TXNDC16: variants seen among roughly 807,000 people sequenced by gnomAD.
The protein encoded by TXNDC16 is thioredoxin domain-containing protein 16.
Under a neutral mutation model 85.6 loss-of-function variants are expected in TXNDC16, and 74 were observed. That is an observed-to-expected ratio of 0.86 (90% CI 0.72 to 1.05). TXNDC16 has a LOEUF of 1.05. Ranked by LOEUF, TXNDC16 falls within the 50% of genes least tolerant of loss-of-function variation. TXNDC16 has a pLI of 0.00. For missense variants in TXNDC16, 959 were observed against 947.0 expected, an observed-to-expected ratio of 1.01 and a Z score of -0.17; for synonymous variants, 335 against 326.5, an observed-to-expected ratio of 1.03 and a Z score of -0.28.
chr14:52,550,359 C>T (rs2038019949), intron 1 of TXNDC16, among the ~76,000 whole-genome samples: 1 of 152,214 alleles, frequency 6.6e-6, no homozygotes, highest in Admixed American at 6.5e-5. Flanking sequence ...GAACCAGCCT[C>T]AAATAAAATG....
At chr14:52,474,342 A>G (rs1200382761) in intron 14 of TXNDC16, among the ~76,000 whole-genome samples, 1 of 152,230 alleles carries the variant, frequency 6.6e-6, no homozygotes, top group Non-Finnish European at 1.5e-5. Context: ...TTATTTGCCA[A>G]TAAGGCTAGA....
rs2035895507 is a variant in TXNDC16, at chr14:52,471,064, A to G, written c.1313-384T>C. On this transcript the variant is annotated intron_variant, in intron 14 of 20. Coordinates refer to ENST00000281741, the MANE Select transcript of TXNDC16 (RefSeq NM_020784.3). ...AGTTCCAGACCCATATATCCTTACTACCTTCTCTGTTTTCCTTTGAACGGA... is the reference window on the plus strand; with the variant it reads ...AGTTCCAGACCCATATATCCTTACTGCCTTCTCTGTTTTCCTTTGAACGGA... 1.4e-4 allele frequency among the ~76,000 whole-genome samples: 21 copies of G among 152,230 alleles called. No individual in the cohort carries two copies. The South Asian group carries it at 4.4e-3, about 32-fold the overall frequency.
At chr14:52,454,437 A>C (rs931487172) in intron 18 of TXNDC16, among the ~76,000 whole-genome samples, 7 of 151,684 alleles carry the variant, frequency 4.6e-5, no homozygotes, top group Non-Finnish European at 8.8e-5. Flanking sequence ...AAAAAAAAAA[A>C]AAAACAAAAG....
At position 52,536,750 on chromosome 14, in the gene TXNDC16, C is replaced by T; in HGVS notation, c.361G>A (p.Asp121Asn). Residue 121 changes from aspartate (D) to asparagine (N), a missense_variant, in exon 6 of 21, where the codon GAT (aspartate) becomes AAT (asparagine). Transcript: ENST00000281741. Reference sequence around the variant, plus strand: ...ACATGGGCGACAATGGCATTCACATCAAACAAGGTGTCAGTAGGGAATTCT... The same window carrying T: ...ACATGGGCGACAATGGCATTCACATTAAACAAGGTGTCAGTAGGGAATTCT... ...LREFPTDTLF[D>N]VNAIVAHVLF... is the part of the protein sequence containing the mutation. 6.2e-7 allele frequency: 1 copy of T among 1,611,934 alleles called. No homozygotes were observed. Among genetic ancestry groups the T allele is most frequent in the Non-Finnish European group, 8.5e-7 (1 of 1,178,752 alleles).
At chr14:52,504,267 G>T (rs2036735633) in intron 9 of TXNDC16, among the ~76,000 whole-genome samples, 1 of 152,150 alleles carries the variant, frequency 6.6e-6, no homozygotes, top group African/African-American at 2.4e-5. Context: ...ACACATAATT[G>T]TCAGATTCAC....
intron 9 of TXNDC16, among the ~76,000 whole-genome samples, chr14:52,503,017 G>C (rs952293105): frequency 7.2e-5 from 11 of 152,212 alleles, no homozygotes; most frequent in African/African-American, 1.2e-4. Flanking sequence ...CAAGGTGGCA[G>C]CGAGGCTTGA....
rs367840965 is a variant in TXNDC16 at position 52,522,026 on chromosome 14, G to C, written c.393-2733C>G. 2.4e-4 allele frequency among the ~76,000 whole-genome samples: 36 copies of C among 152,320 alleles called. 1 individual carries two copies. Among genetic ancestry groups the C allele is most frequent in the African/African-American group, 8.2e-4 (34 of 41,566 alleles). ...AATGGCAATGGAGTCTCAGTGGCAA[G>C]CTGAGCTATTGGCTGCCTATACATT... is the stretch of plus-strand genomic sequence containing the variant. On this transcript the variant is annotated intron_variant, in intron 6 of 20. Transcript: ENST00000281741.
At chr14:52,495,695 T>G (rs2036515902) in intron 9 of TXNDC16, among the ~76,000 whole-genome samples, 1 of 152,214 alleles carries the variant, frequency 6.6e-6, no homozygotes, top group South Asian at 2.1e-4. Flanking sequence ...ATCACTTCCA[T>G]GTGTAAAATA....
Position 52,488,465 on chromosome 14 carries a change from C to A in TXNDC16, c.1006G>T (p.Val336Leu), listed in dbSNP as rs1301053802. The A allele has an allele frequency of 6.2e-7, 1 of 1,600,326 alleles. No individual in the cohort carries two copies. Among genetic ancestry groups the A allele is most frequent in the East Asian group, 2.2e-5 (1 of 44,726 alleles). ...AEEGVPVEFLVLHDVDLIISH... is the reference protein window; with the variant it reads ...AEEGVPVEFLLLHDVDLIISH... Reference sequence around the variant, plus strand: ...ATTATTAAATCAACATCATGTAATACCAAAAATTCCACTGGAACTCCCTAG... The same window carrying A: ...ATTATTAAATCAACATCATGTAATAACAAAAATTCCACTGGAACTCCCTAG... The change falls in exon 12 of 21, where the codon GTA becomes TTA. Residue 336 changes from valine (V) to leucine (L), a missense_variant. By Grantham distance (32) the Val-to-Leu change is conservative (BLOSUM62 1). Coordinates refer to ENST00000281741, the MANE Select transcript of TXNDC16 (RefSeq NM_020784.3).
chr14:52,549,874 T>C (rs958810811), intron 1 of TXNDC16, among the ~76,000 whole-genome samples: 2 of 152,174 alleles, frequency 1.3e-5, no homozygotes, highest in Non-Finnish European at 2.9e-5. Flanking sequence ...CCTGACCTCG[T>C]GATCTGCCCA....
chr14:52,464,702 T>A (rs1194339557), intron 16 of TXNDC16, among the ~76,000 whole-genome samples: 1 of 152,042 alleles, frequency 6.6e-6, no homozygotes, highest in African/African-American at 2.4e-5. Flanking sequence ...GAGGCTCAGG[T>A]GGGCAGATCA....
At position 52,432,137 on chromosome 14, in the gene TXNDC16, T is replaced by G; in HGVS notation, c.*167A>C. 9.0e-6 allele frequency: 5 copies of G among 552,566 alleles called. No homozygotes were observed. Among genetic ancestry groups the G allele is most frequent in the Non-Finnish European group, 1.1e-5 (4 of 350,204 alleles). The allele number at this position is 552,566 out of a possible 1,614,324, so 34.2% of individuals were successfully genotyped here. On this transcript the variant is annotated 3_prime_UTR_variant, in exon 21 of 21. Transcript: ENST00000281741. ...TTATTTTGCCCTGCTCACTTTTACT[T>G]TGTTTAATGTAGTTACTAGAAAATT...
chr14:52,438,598 T>C (rs1242806130), intron 20 of TXNDC16, among the ~76,000 whole-genome samples: 2 of 152,222 alleles, frequency 1.3e-5, no homozygotes, highest in Admixed American at 1.3e-4. Context: ...CTTTTATATA[T>C]ACTTAGAAAC....
At chr14:52,486,269 T>A (rs954110225) in intron 12 of TXNDC16, among the ~76,000 whole-genome samples, 3 of 149,348 alleles carry the variant, frequency 2.0e-5, no homozygotes. Flanking sequence ...CTATTTTCAG[T>A]CACACATGCT....
Position 52,492,729 on chromosome 14 carries a change from G to A in TXNDC16, c.757-1724C>T, listed in dbSNP as rs191351397. Reference sequence around the variant, plus strand: ...GAAATCCCATGGGATGGTCTGTGCAGATCAGACACTTACCAGTCAGGGGGC... The same window carrying A: ...GAAATCCCATGGGATGGTCTGTGCAAATCAGACACTTACCAGTCAGGGGGC... On this transcript the variant is annotated intron_variant, in intron 9 of 20. Coordinates refer to ENST00000281741, the MANE Select transcript of TXNDC16 (RefSeq NM_020784.3). Among the ~76,000 whole-genome samples, 40 of 152,268 alleles carry A rather than the reference G, an allele frequency of 2.6e-4. No homozygotes were observed. The East Asian group carries it at 7.4e-3, about 28-fold the overall frequency.
chr14:52,539,647 G>A (rs1055869380), intron 4 of TXNDC16, among the ~76,000 whole-genome samples: 9 of 152,168 alleles, frequency 5.9e-5, no homozygotes, highest in African/African-American at 2.2e-4. Context: ...CCAATGAGAA[G>A]AGATGGCAGG....
intron 19 of TXNDC16, 141 bp from the exon 20 acceptor site, chr14:52,439,535 A>G: frequency 1.4e-6 from 1 of 714,690 alleles, no homozygotes; most frequent in Non-Finnish European, 2.2e-6. Flanking sequence ...AAAACCAAGA[A>G]GTCTACGACA....
chr14:52,463,194 TA>T (rs34848366), intron 16 of TXNDC16, among the ~76,000 whole-genome samples: 14,917 of 141,678 alleles, frequency 0.11, 794 homozygotes, highest in East Asian at 0.18. Context: ...CCAGTTCAGA[TA>T]AAAAAAAAAA....
rs141913301 is a variant in TXNDC16 at position 52,479,098 on chromosome 14, C to T, written c.1312+3132G>A. On this transcript the variant is annotated intron_variant, in intron 14 of 20. Coordinates refer to ENST00000281741, the MANE Select transcript of TXNDC16 (RefSeq NM_020784.3). ...TCTCAATAGATGCAGAAAAAGCATTCGATAAAATCCAGCATTCCTTTATGA... is the reference window on the plus strand; with the variant it reads ...TCTCAATAGATGCAGAAAAAGCATTTGATAAAATCCAGCATTCCTTTATGA... 3.3e-3 allele frequency among the ~76,000 whole-genome samples: 504 copies of T among 152,032 alleles called. 2 individuals carry two copies. The highest frequency in any genetic ancestry group is 0.011 in the African/African-American group (473 of 41,476).
Sources: gnomAD v4.1 joint callset for allele counts (sites outside exome capture counted in the v4.1 genomes callset) on GRCh38, gnomAD v4.1.1 for gene constraint, MANE v1.5 for transcripts, NCBI Gene and HGNC (gene_info 2026-07-23, HGNC 2026-07-21) for gene names.